SPACA7: variants seen among roughly 807,000 people sequenced by gnomAD.
SPACA7 encodes sperm acrosome-associated protein 7.
A neutral mutation model predicts 26.3 loss-of-function variants in SPACA7; 19 were observed. The observed-to-expected ratio is 0.72, with a 90% CI of 0.50 to 1.06. The LOEUF is 1.06. SPACA7 is among the 50% of genes least tolerant of loss of function. SPACA7 has a pLI of 0.00. For missense variants in SPACA7, 211 were observed against 229.9 expected (o/e 0.92, Z 0.53); for synonymous variants, 84 against 84.5 (o/e 0.99, Z 0.04).
Position 112,389,502 on chromosome 13 carries a change from T to A in SPACA7, c.95-3519T>A, listed in dbSNP as rs1311279821. Among the ~76,000 whole-genome samples, 3 of 152,392 alleles carry A rather than the reference T, an allele frequency of 2.0e-5. 1 individual carries two copies. The highest frequency in any genetic ancestry group is 6.8e-3 in the Middle Eastern group (2 of 294). On this transcript the variant is annotated intron_variant, in intron 1 of 6. Coordinates refer to ENST00000283550, the MANE Select transcript of SPACA7 (RefSeq NM_145248.5). ...CTTTATATATCAACCATCCTAGTAA[T>A]GTAAACTTAAAAAACATTTGGGTTA...
intron 5 of SPACA7, among the ~76,000 whole-genome samples, chr13:112,419,500 C>T (rs552584520): frequency 7.2e-5 from 11 of 152,262 alleles, no homozygotes; most frequent in Admixed American, 2.6e-4. Flanking sequence ...AAGCCTCTTG[C>T]GGAGGGGCAG....
chr13:112,414,988 G>A (rs1419065605), intron 5 of SPACA7, among the ~76,000 whole-genome samples: 3 of 152,182 alleles, frequency 2.0e-5, no homozygotes, highest in Non-Finnish European at 4.4e-5. Flanking sequence ...CTGACTGACT[G>A]TTGAGTTCCC....
At position 112,404,982 on chromosome 13, in the gene SPACA7, T is replaced by C. The variant is rs1403805858; in HGVS notation, c.445+3818T>C. Among the ~76,000 whole-genome samples, 19 of 75,036 alleles carry C rather than the reference T, an allele frequency of 2.5e-4. No homozygotes were observed. In the South Asian group the frequency reaches 3.5e-3, roughly 14 times the overall value. The allele number at this position is 75,036 out of a possible 152,430, so 49.2% of individuals were successfully genotyped here. A position where few individuals can be genotyped will look rare whatever the true frequency, so the allele number is the denominator to read the frequency against. ...TTAGCTCCATTGTATTCTCTTCTTTTTTTTTTTTTTTTTTTTTTTTAAGAC... is the reference window on the plus strand; with the variant it reads ...TTAGCTCCATTGTATTCTCTTCTTTCTTTTTTTTTTTTTTTTTTTTAAGAC... On this transcript the variant is annotated intron_variant, in intron 5 of 6. Transcript: ENST00000283550.
chr13:112,424,161 C>T (rs1461132815), intron 5 of SPACA7, among the ~76,000 whole-genome samples: 1 of 152,206 alleles, frequency 6.6e-6, no homozygotes, highest in South Asian at 2.1e-4. Context: ...AGCCCCTACC[C>T]GCCCGAAGGC....
At chr13:112,414,156 AC>A (rs1886526437) in intron 5 of SPACA7, among the ~76,000 whole-genome samples, 1 of 152,048 alleles carries the variant, frequency 6.6e-6, no homozygotes, top group Non-Finnish European at 1.5e-5. Flanking sequence ...CACGTCCAAC[AC>A]TGGGGATCAC....
intron 1 of SPACA7, among the ~76,000 whole-genome samples, chr13:112,388,479 C>T (rs184595805): frequency 7.2e-5 from 11 of 152,272 alleles, no homozygotes; most frequent in South Asian, 2.1e-4. Flanking sequence ...GGCAGTGCCC[C>T]GCCAGTAGAG....
chr13:112,400,257 T>C (rs1027096041), intron 4 of SPACA7, among the ~76,000 whole-genome samples: 3 of 152,228 alleles, frequency 2.0e-5, no homozygotes, highest in Admixed American at 6.5e-5. Flanking sequence ...AGACAGACTC[T>C]GGAGTTGGGA....
intron 2 of SPACA7, among the ~76,000 whole-genome samples, chr13:112,395,233 G>A (rs1444170292): frequency 6.6e-6 from 1 of 152,250 alleles, no homozygotes; most frequent in Non-Finnish European, 1.5e-5. Flanking sequence ...GCGGTGAGGG[G>A]TTGGTGAGGG....
rs1265427485 is a variant in SPACA7, at chr13:112,424,248, G to A, written c.446-8196G>A. On this transcript the variant is annotated intron_variant, in intron 5 of 6. Coordinates refer to ENST00000283550, the MANE Select transcript of SPACA7 (RefSeq NM_145248.5). ...CACTCCAAAGAACCTAGGTGCATCC[G>A]TGGTGATGCTGCGTTGGGAGCATGA... Among the ~76,000 whole-genome samples, 4 of 152,334 alleles carry A rather than the reference G, an allele frequency of 2.6e-5. No individual in the cohort carries two copies. The South Asian group carries it at 6.2e-4, about 24-fold the overall frequency.
chr13:112,382,273 G>T, intron 1 of SPACA7: 1 of 607,400 alleles, frequency 1.6e-6, no homozygotes, highest in Non-Finnish European at 2.7e-6. Flanking sequence ...TTTTGTTTTT[G>T]ACAGAGTCTC....
In SPACA7 at chr13:112,432,537, T is replaced by G; in HGVS notation, c.523+16T>G. On this transcript the variant is annotated intron_variant, in intron 6 of 6. Coordinates refer to ENST00000283550, the MANE Select transcript of SPACA7 (RefSeq NM_145248.5). ...AGATCTTCAGGTAGATTGGAAATAA[T>G]AGATAAGTGTCTTCTCATTTGGGGA... The G allele has an allele frequency of 1.3e-6, 2 of 1,539,194 alleles. No homozygotes were observed.
chr13:112,381,900 T>C (rs941755877), intron 1 of SPACA7, among the ~76,000 whole-genome samples: 5 of 152,116 alleles, frequency 3.3e-5, no homozygotes, highest in African/African-American at 4.8e-5. Flanking sequence ...CAAGCACTGA[T>C]CTTAGGAGCA....
intron 1 of SPACA7, among the ~76,000 whole-genome samples, chr13:112,378,444 T>G (rs752863048): frequency 6.6e-6 from 1 of 152,202 alleles, no homozygotes; most frequent in Non-Finnish European, 1.5e-5. Context: ...CTTACAAGAT[T>G]TGGTCTGATT....
chr13:112,414,388 CTTTTTTTTTTTTTTTTTTTTTTTTTT>C (rs869183760), intron 5 of SPACA7, among the ~76,000 whole-genome samples: 4 of 31,376 alleles, frequency 1.3e-4, no homozygotes, highest in East Asian at 1.2e-3. Context: ...TTTTCTGTGT[CTTTTTTTTTTTTTTTTTTTTTTTTTT>C]TTTTTTTTTT....
At chr13:112,419,914 G>T (rs1887649) in intron 5 of SPACA7, among the ~76,000 whole-genome samples, 36,992 of 152,104 alleles carry the variant, frequency 0.24, 4,745 homozygotes, top group South Asian at 0.37. Flanking sequence ...AAGGCTGAAG[G>T]CTAAAGGGAA....
intron 2 of SPACA7, among the ~76,000 whole-genome samples, chr13:112,395,245 G>A (rs1885162171): frequency 1.3e-5 from 2 of 152,230 alleles, no homozygotes; most frequent in Admixed American, 1.3e-4. Context: ...TGGTGAGGGA[G>A]CATGTGTGGC....
rs1303870278 is a variant in SPACA7 at position 112,397,753 on chromosome 13, CT to C, written c.152-294del. On this transcript the variant is annotated intron_variant, in intron 2 of 6. Coordinates refer to ENST00000283550, the MANE Select transcript of SPACA7 (RefSeq NM_145248.5). Reference sequence around the variant, plus strand: ...AGAGGGACCCAGGGCAGGAAAGAGACTTAGGACCACGTGTGGGCCAAGCGTC... The same window carrying C: ...AGAGGGACCCAGGGCAGGAAAGAGACTAGGACCACGTGTGGGCCAAGCGTC... Among the ~76,000 whole-genome samples the C allele has an allele frequency of 1.6e-4, 25 of 152,356 alleles. 1 individual carries two copies. Among genetic ancestry groups the C allele is most frequent in the Admixed American group, 1.3e-3 (20 of 15,308 alleles).
In SPACA7 at chr13:112,395,532, G is replaced by A. The variant is rs114209752; in HGVS notation, c.151+2455G>A. On this transcript the variant is annotated intron_variant, in intron 2 of 6. Coordinates refer to ENST00000283550, the MANE Select transcript of SPACA7 (RefSeq NM_145248.5). ...GCCACCCAGGGTGAAGTGCAGTGGC[G>A]AGATCTCAACTCACTGCAACCTCCA... Among the ~76,000 whole-genome samples, 821 of 152,242 alleles carry A rather than the reference G, an allele frequency of 5.4e-3. 5 individuals carry two copies. Among genetic ancestry groups the A allele is most frequent in the African/African-American group, 0.019 (786 of 41,542 alleles).
chr13:112,413,490 T>G lies in SPACA7; in HGVS notation c.445+12326T>G, dbSNP rs552629296. ...TTCTTTAGATATTATTTGATTATTTTATCTTGCTTCTTTTATAATCCTTTC... is the reference window on the plus strand; with the variant it reads ...TTCTTTAGATATTATTTGATTATTTGATCTTGCTTCTTTTATAATCCTTTC... On this transcript the variant is annotated intron_variant, in intron 5 of 6. Coordinates refer to ENST00000283550, the MANE Select transcript of SPACA7 (RefSeq NM_145248.5). Among the ~76,000 whole-genome samples, 9 of 152,328 alleles carry G rather than the reference T, an allele frequency of 5.9e-5. No homozygotes were observed. In the East Asian group the frequency reaches 1.7e-3, roughly 29 times the overall value.
Sources: gnomAD v4.1 joint callset for allele counts (sites outside exome capture counted in the v4.1 genomes callset) on GRCh38, gnomAD v4.1.1 for gene constraint, MANE v1.5 for transcripts, NCBI Gene and HGNC (gene_info 2026-07-23, HGNC 2026-07-21) for gene names.